The following PIK3R3 variants were observed in gnomAD, a reference collection of about 807,000 sequenced individuals.
PIK3R3 encodes phosphoinositide-3-kinase regulatory subunit 3.
In PIK3R3, 64 loss-of-function variants were observed where a neutral mutation model predicts 62.9. The observed-to-expected ratio is 1.02, with a 90% CI of 0.83 to 1.25. The LOEUF is 1.25. PIK3R3 is among the 50% of genes most tolerant of loss of function. PIK3R3 has a pLI of 0.00. For synonymous variants in PIK3R3, 165 were observed against 189.0 expected (o/e 0.87, Z 1.04); for missense variants, 614 against 561.6 (o/e 1.09, Z -0.94).
chr1:46,136,785 C>T (rs756006966), upstream of PIK3R3, among the ~76,000 whole-genome samples: 1 of 152,208 alleles, frequency 6.6e-6, no homozygotes, highest in Non-Finnish European at 1.5e-5. Flanking sequence ...ACATCTTCCT[C>T]ACTTTTGATG....
chr1:46,150,448 G>A, the PIK3R3 span, among the ~76,000 whole-genome samples: 1 of 152,110 alleles, frequency 6.6e-6, no homozygotes, highest in Non-Finnish European at 1.5e-5. Flanking sequence ...AGGTCTTTGA[G>A]GTGATTTCAA....
the PIK3R3 span, among the ~76,000 whole-genome samples, chr1:46,169,748 C>A: frequency 2.0e-3 from 312 of 152,300 alleles, 1 homozygote; most frequent in African/African-American, 6.8e-3. Flanking sequence ...GCTGACATTG[C>A]CCCATTTCCC....
chr1:46,129,401 TTTTATTTATTTATTTA>T (rs201511245), intron 1 of PIK3R3, among the ~76,000 whole-genome samples: 3 of 131,616 alleles, frequency 2.3e-5, no homozygotes, highest in Admixed American at 7.5e-5. Flanking sequence ...AATTGGGGGA[TTTTATTTATTTATTTA>T]TTTATTTATT....
At chr1:46,046,966 G>A in intron 7 of PIK3R3, 1 of 301,534 alleles carries the variant, frequency 3.3e-6, no homozygotes, top group Non-Finnish European at 6.1e-6. Flanking sequence ...AGGTTAGCAT[G>A]GTGTCACATT....
chr1:46,139,013 G>T, the PIK3R3 span: 1 of 152,064 alleles, frequency 6.6e-6, no homozygotes, highest in Non-Finnish European at 1.5e-5. Flanking sequence ...TATGTCATGG[G>T]TGTATACGTT....
At position 46,102,803 on chromosome 1, in the gene PIK3R3, T is replaced by TAAA. The variant is rs33975572; in HGVS notation, c.107-22056_107-22054dup. The stretch of plus-strand genomic sequence containing the variant: ...TCCTTCTTATTCTGGGTATATATCT[T>TAAA]AAAAAAAAAAAAAAAAAAAAAAAAA... On this transcript the variant is annotated intron_variant, in intron 1 of 9. Coordinates refer to ENST00000262741, the MANE Select transcript of PIK3R3 (RefSeq NM_003629.4). 6.3e-4 allele frequency among the ~76,000 whole-genome samples: 35 copies of TAAA among 55,768 alleles called. 2 individuals carry two copies. Among genetic ancestry groups the TAAA allele is most frequent in the Admixed American group, 9.0e-4 (3 of 3,350 alleles). The allele number at this position is 55,768 out of a possible 152,430, so 36.6% of individuals were successfully genotyped here.
At chr1:46,077,463 G>T in intron 3 of PIK3R3, 52 bp downstream of exon 3, 4 of 890,506 alleles carry the variant, frequency 4.5e-6, no homozygotes, top group South Asian at 2.8e-5. Flanking sequence ...TGTATACCCA[G>T]AACTAAAATA....
chr1:46,115,023 T>C (rs927648604), intron 1 of PIK3R3, among the ~76,000 whole-genome samples: 4 of 152,154 alleles, frequency 2.6e-5, no homozygotes, highest in African/African-American at 4.8e-5. Flanking sequence ...AGTGATCCTT[T>C]GGAGCACAAG....
At chr1:46,149,327 C>T in the PIK3R3 span, among the ~76,000 whole-genome samples, 3 of 142,566 alleles carry the variant, frequency 2.1e-5, no homozygotes, top group East Asian at 4.6e-4. Flanking sequence ...GAGGCTGAGG[C>T]GGGAGAATTG....
At chr1:46,129,144 G>T (rs923571575) in intron 1 of PIK3R3, among the ~76,000 whole-genome samples, 4 of 151,252 alleles carry the variant, frequency 2.6e-5, no homozygotes, top group African/African-American at 9.7e-5. Flanking sequence ...TTTAACAGAA[G>T]GGTTTAGAGA....
rs116669089 is a variant in PIK3R3 at position 46,080,418 on chromosome 1, G to A, written c.215+224C>T. 7.0e-3 allele frequency among the ~76,000 whole-genome samples: 1,037 copies of A among 148,990 alleles called. 12 individuals carry two copies. The highest frequency in any genetic ancestry group is 0.025 in the African/African-American group (1,001 of 40,486). ...GAGCATTACAATGCTCTTTTTTTTTGAGAGTTGGGGGTCTTACTCTGTTGC... is the reference window on the plus strand; with the variant it reads ...GAGCATTACAATGCTCTTTTTTTTTAAGAGTTGGGGGTCTTACTCTGTTGC... On this transcript the variant is annotated intron_variant, in intron 2 of 9. Transcript: ENST00000262741.
At chr1:46,088,595 G>A (rs1651312790) in intron 1 of PIK3R3, among the ~76,000 whole-genome samples, 1 of 151,918 alleles carries the variant, frequency 6.6e-6, no homozygotes, top group Non-Finnish European at 1.5e-5. Context: ...CCCAGGAAGT[G>A]GAACAAAGAG....
intron 6 of PIK3R3, among the ~76,000 whole-genome samples, chr1:46,060,485 CAAAT>C (rs553161479): frequency 6.6e-6 from 1 of 152,192 alleles, no homozygotes; most frequent in African/African-American, 2.4e-5. Flanking sequence ...GACTCCGTCT[CAAAT>C]AAATAAATAA....
At chr1:46,086,017 T>A (rs542998920) in intron 1 of PIK3R3, among the ~76,000 whole-genome samples, 2 of 152,158 alleles carry the variant, frequency 1.3e-5, no homozygotes, top group African/African-American at 4.8e-5. Flanking sequence ...TGGGATTATA[T>A]GCATGGGCCA....
At chr1:46,102,806 A>T (rs1310042124) in intron 1 of PIK3R3, among the ~76,000 whole-genome samples, 3 of 15,878 alleles carry the variant, frequency 1.9e-4, no homozygotes, top group South Asian at 1.2e-3. Flanking sequence ...TATATCTTAA[A>T]AAAAAAAAAA....
the PIK3R3 span, among the ~76,000 whole-genome samples, chr1:46,148,856 AC>A: frequency 2.0e-5 from 3 of 152,146 alleles, no homozygotes; most frequent in Non-Finnish European, 4.4e-5. Flanking sequence ...TTCTCCATCA[AC>A]CTTTAGGCAT....
At chr1:46,171,148 G>A in the PIK3R3 span, among the ~76,000 whole-genome samples, 1 of 152,220 alleles carries the variant, frequency 6.6e-6, no homozygotes, top group Admixed American at 6.5e-5. Context: ...GCATGCCGGT[G>A]CAGAGGAAGG....
Position 46,101,930 on chromosome 1 carries a change from A to C in PIK3R3, c.107-21180T>G, listed in dbSNP as rs545180420. Among the ~76,000 whole-genome samples, 6 of 151,710 alleles carry C rather than the reference A, an allele frequency of 4.0e-5. No homozygotes were observed. The East Asian group carries it at 1.2e-3, about 29-fold the overall frequency. ...TGAAAAATTTTGTCATTCGTATTTT[A>C]TAACTTTAAAAAATTAACAATGTAA... On this transcript the variant is annotated intron_variant, in intron 1 of 9. Coordinates refer to ENST00000262741, the MANE Select transcript of PIK3R3 (RefSeq NM_003629.4).
intron 4 of PIK3R3, among the ~76,000 whole-genome samples, chr1:46,066,666 C>G (rs1649017625): frequency 1.3e-5 from 2 of 152,090 alleles, no homozygotes; most frequent in African/African-American, 4.8e-5. Flanking sequence ...TGGCATGCAC[C>G]TGTGATCCCA....
Sources: gnomAD v4.1 joint callset for allele counts (sites outside exome capture counted in the v4.1 genomes callset) on GRCh38, gnomAD v4.1.1 for gene constraint, MANE v1.5 for transcripts, NCBI Gene and HGNC (gene_info 2026-07-23, HGNC 2026-07-21) for gene names.